NKPD1: variants seen among roughly 807,000 people sequenced by gnomAD.
The protein encoded by NKPD1 is NTPase KAP family P-loop domain-containing protein 1.
A neutral mutation model predicts 42.2 loss-of-function variants in NKPD1; 37 were observed. The observed-to-expected ratio is 0.88, with a 90% confidence interval of 0.67 to 1.15. The LOEUF (loss-of-function observed/expected upper bound fraction) is 1.15. Ranked by LOEUF, NKPD1 falls within the 50% of genes most tolerant of loss-of-function variation. The pLI is 0.00. For synonymous variants in NKPD1, 552 were observed against 536.5 expected (o/e 1.03, Z -0.40); for missense variants, 1,113 against 1,174.6 (o/e 0.95, Z 0.77).
intron 1 of NKPD1, among the ~76,000 whole-genome samples, 166 bp from the exon 2 acceptor site, chr19:45,160,387 AGAG>A (rs1391971444): frequency 6.6e-6 from 1 of 152,160 alleles, no homozygotes; most frequent in Non-Finnish European, 1.5e-5. Context: ...AGGGATGGCC[AGAG>A]GAGGGAACGG....
In NKPD1 at chr19:45,152,272, T is replaced by C; in HGVS notation, c.2165A>G (p.Glu722Gly). Reference sequence around the variant, plus strand: ...GGGGAAGTCGGCGCCCAGGAAGCGCTCGAAGAGCTCGGGGTCGCCGTCCAG... The same window carrying C: ...GGGGAAGTCGGCGCCCAGGAAGCGCCCGAAGAGCTCGGGGTCGCCGTCCAG... ...LDLDGDPELF[E>G]RFLGADFPFT... is the part of the protein sequence containing the mutation. The change falls in exon 5 of 5, where the codon GAG becomes GGG. Residue 722 changes from glutamate (E) to glycine (G), a missense_variant. Glu to Gly is a moderately conservative substitution (Grantham distance 98). Coordinates refer to ENST00000686631, the MANE Select transcript of NKPD1 (RefSeq NM_198478.4). 6.2e-7 allele frequency: 1 copy of C among 1,609,968 alleles called. No individual in the cohort carries two copies. Among genetic ancestry groups the C allele is most frequent in the East Asian group, 2.2e-5 (1 of 44,732 alleles).
At chr19:45,157,226 G>C (rs145219971) in intron 3 of NKPD1, among the ~76,000 whole-genome samples, 4 of 152,152 alleles carry the variant, frequency 2.6e-5, no homozygotes, top group Non-Finnish European at 5.9e-5. Flanking sequence ...ATCCATCCTC[G>C]GCTCCTGCCT....
In NKPD1 at chr19:45,152,916, G is replaced by C. The variant is rs1176196196; in HGVS notation, c.1521C>G (p.Asn507Lys). The C allele has an allele frequency of 1.5e-5, 23 of 1,580,400 alleles. No homozygotes were observed. In the East Asian group the frequency reaches 5.3e-4, roughly 37 times the overall value. The change falls in exon 5 of 5, where the codon AAC (asparagine) becomes AAG (lysine). Residue 507 changes from asparagine to lysine, a missense_variant. Physicochemically the swap from Asn to Lys is moderately conservative, Grantham distance 94. Coordinates refer to ENST00000686631, the MANE Select transcript of NKPD1 (RefSeq NM_198478.4). ...ILAACLESAG[N>K]MKGTADNGYL... ...AGCCGTTATCGGCCGTGCCCTTCAT[G>C]TTGCCCGCGCTCTCTAGGCACGCGG...
At chr19:45,155,677 G>A (rs1214200085) in intron 4 of NKPD1, 108 bp downstream of exon 4, 3 of 1,128,598 alleles carry the variant, frequency 2.7e-6, no homozygotes, top group African/African-American at 3.2e-5. Context: ...CCTGGGCTGG[G>A]GCAGGCTGGC....
Position 45,153,407 on chromosome 19 carries a change from GC to G in NKPD1, c.1029del (p.Leu344CysfsTer62). 6.4e-7 allele frequency: 1 copy of G among 1,554,272 alleles called. No individual in the cohort carries two copies. On this transcript the variant is annotated frameshift_variant, in exon 5 of 5. Coordinates refer to ENST00000686631, the MANE Select transcript of NKPD1 (RefSeq NM_198478.4). LOFTEE classifies it high-confidence loss of function. Reference sequence around the variant, plus strand: ...CCCAGCGCCGCCAGCAGCGCCAGCAGCCCCAGGCACACGCGGCGCCGACAAT... The same window carrying G: ...CCCAGCGCCGCCAGCAGCGCCAGCAGCCCAGGCACACGCGGCGCCGACAAT... ...EWHCRRRVCL[G>X]LLALLAALGL...
In NKPD1 at chr19:45,153,254, C is replaced by T. The variant is rs1428410600; in HGVS notation, c.1183G>A (p.Ala395Thr). 6.2e-7 allele frequency: 1 copy of T among 1,602,926 alleles called. No homozygotes were observed. Among genetic ancestry groups the T allele is most frequent in the South Asian group, 1.1e-5 (1 of 89,538 alleles). ...TTLSGSGLLM[A>T]VYSVGKHLFV... ...AGGTGCTTGCCCACCGAGTACACGG[C>T]CATGAGCAGCCCCGAGCCCGACAGT... is the stretch of plus-strand genomic sequence containing the variant. The change falls in exon 5 of 5, where the codon GCC (alanine) becomes ACC (threonine). Residue 395 changes from alanine (A) to threonine (T), a missense_variant. Coordinates refer to ENST00000686631, the MANE Select transcript of NKPD1 (RefSeq NM_198478.4).
At chr19:45,160,038 C>G (rs1417378925) in intron 2 of NKPD1, 22 bp downstream of exon 2, 1 of 1,275,512 alleles carries the variant, frequency 7.8e-7, no homozygotes, top group African/African-American at 1.5e-5. Context: ...GGCCATCACC[C>G]GCCCCCAAAC....
rs897165279 is a variant in NKPD1, at chr19:45,152,832, G to A, written c.1605C>T (p.Arg535=). 2.1e-5 allele frequency: 34 copies of A among 1,595,682 alleles called. No individual in the cohort carries two copies. Among genetic ancestry groups the A allele is most frequent in the Non-Finnish European group, 2.7e-5 (32 of 1,168,706 alleles). Residue 535 remains arginine, a synonymous_variant, in exon 5 of 5, where the codon CGC becomes CGT. Coordinates refer to ENST00000686631, the MANE Select transcript of NKPD1 (RefSeq NM_198478.4). ...LPFSVPIMGR[R]TKLQFLHDAV... is the part of the protein sequence containing the mutation. Reference sequence around the variant, plus strand: ...CATCGTGCAGGAACTGCAGCTTGGTGCGGCGGCCCATAATGGGCACAGAGA... The same window carrying A: ...CATCGTGCAGGAACTGCAGCTTGGTACGGCGGCCCATAATGGGCACAGAGA...
rs776507871 is a variant in NKPD1 at position 45,153,708 on chromosome 19, A to G, written c.729T>C (p.Arg243=). Residue 243 remains arginine (R), a synonymous_variant, in exon 5 of 5, where the codon CGT becomes CGC. Coordinates refer to ENST00000686631, the MANE Select transcript of NKPD1 (RefSeq NM_198478.4). ...EELQHVQWRP[R]AVSGWGVPQL... is the part of the protein sequence containing the mutation. ...GCGGGACGCCCCAGCCGCTCACGGC[A>G]CGCGGCCGCCACTGCACGTGCTGCA... The G allele has an allele frequency of 1.3e-6, 2 of 1,536,508 alleles. No homozygotes were observed. Among genetic ancestry groups the G allele is most frequent in the South Asian group, 1.2e-5 (1 of 83,986 alleles).
chr19:45,158,647 A>C lies in NKPD1; in HGVS notation c.529+16T>G, dbSNP rs1353907173. 2 of 1,156,202 alleles carry C rather than the reference A, an allele frequency of 1.7e-6. No individual in the cohort carries two copies. The highest frequency in any genetic ancestry group is 1.7e-5 in the African/African-American group (1 of 59,990). 71.6% of individuals were successfully genotyped at this position (1,156,202 alleles called of 1,614,324 possible). A position where few individuals can be genotyped will look rare whatever the true frequency, so the allele number is the denominator to read the frequency against. On this transcript the variant is annotated intron_variant, in intron 3 of 4. Transcript: ENST00000686631. The surrounding 1 kb of genome is among the most constrained non-coding windows in gnomAD (Gnocchi z 4.6). ...AGGAGTGGGGACAGGGCCCCCAAGA[A>C]GGCCAGGGTGAGCACCGGAGCTGTA...
chr19:45,154,799 C>T (rs189059647), intron 4 of NKPD1, among the ~76,000 whole-genome samples: 134 of 152,050 alleles, frequency 8.8e-4, no homozygotes, highest in Admixed American at 4.2e-3. Flanking sequence ...CCGAGGTGGG[C>T]GGATCACATG....
At chr19:45,154,994 C>T (rs1320093196) in intron 4 of NKPD1, among the ~76,000 whole-genome samples, 1 of 134,082 alleles carries the variant, frequency 7.5e-6, no homozygotes, top group Non-Finnish European at 1.5e-5. Flanking sequence ...CACTGCAGTA[C>T]AGCCTGGGCG....
rs1253764951 is a variant in NKPD1 at position 45,160,245 on chromosome 19, T to C, written c.-71-24A>G. The C allele has an allele frequency of 5.7e-6, 4 of 704,784 alleles. No homozygotes were observed. In the Admixed American group the frequency reaches 1.1e-4, roughly 19 times the overall value. The allele number at this position is 704,784 out of a possible 1,614,324, so 43.7% of individuals were successfully genotyped here. ...CTCTGGGGCACGAACAGCAGAGAGC[T>C]GAGGTCAGGGTCCCTGCCCTGCCCG... On this transcript the variant is annotated intron_variant, in intron 1 of 4. Coordinates refer to ENST00000686631, the MANE Select transcript of NKPD1 (RefSeq NM_198478.4).
chr19:45,160,101 T>A lies in NKPD1; in HGVS notation c.50A>T (p.Asn17Ile). The stretch of plus-strand genomic sequence containing the variant: ...CTCTGGGTCCCAGAAGTAGTGCCCG[T>A]TGGGGCTCTGGGCATCCTTGGCGAA... ...VHFAKDAQSPNGHYFWDPELG... is the reference protein window; with the variant it reads ...VHFAKDAQSPIGHYFWDPELG... The change falls in exon 2 of 5, where the codon AAC becomes ATC. Residue 17 changes from asparagine (N) to isoleucine (I), a missense_variant. Around this residue, in one of 3 missense-constraint regions of NKPD1, gnomAD observed 204 missense variants for 227.8 expected, o/e 0.90. Transcript: ENST00000686631. 1.5e-6 allele frequency: 2 copies of A among 1,304,812 alleles called. No homozygotes were observed. Among genetic ancestry groups the A allele is most frequent in the South Asian group, 1.2e-5 (1 of 80,938 alleles). The allele number at this position is 1,304,812 out of a possible 1,614,324, so 80.8% of individuals were successfully genotyped here. A position where few individuals can be genotyped will look rare whatever the true frequency, so the allele number is the denominator to read the frequency against.
chr19:45,153,771 C>A lies in NKPD1; in HGVS notation c.666G>T (p.Leu222=). The change falls in exon 5 of 5, where the codon CTG becomes CTT. Residue 222 remains leucine, a synonymous_variant. Transcript: ENST00000686631. ...LHMMLDKITA[L]MQQEAAQRES... Reference sequence around the variant, plus strand: ...CGCGCTGCGCGGCCTCCTGCTGCATCAGCGCTGCGGGAAGGGAGCCCGGGA... The same window carrying A: ...CGCGCTGCGCGGCCTCCTGCTGCATAAGCGCTGCGGGAAGGGAGCCCGGGA... The A allele has an allele frequency of 6.8e-7, 1 of 1,475,426 alleles. No individual in the cohort carries two copies. 91.4% of individuals were successfully genotyped at this position (1,475,426 alleles called of 1,614,324 possible). A position where few individuals can be genotyped will look rare whatever the true frequency, so the allele number is the denominator to read the frequency against.
At chr19:45,162,093 T>C (rs1204220817), upstream of NKPD1, among the ~76,000 whole-genome samples, 1 of 152,012 alleles carries the variant, frequency 6.6e-6, no homozygotes, top group Admixed American at 6.6e-5. Context: ...GCAGTGGGCC[T>C]CCGTGCCAAC....
upstream of NKPD1, among the ~76,000 whole-genome samples, chr19:45,162,379 C>T (rs1391246956): frequency 6.6e-6 from 1 of 152,182 alleles, no homozygotes; most frequent in African/African-American, 2.4e-5. Flanking sequence ...AGCAAGGGGC[C>T]CCTTTCTCAT....
chr19:45,156,012 C>G, intron 3 of NKPD1, 96 bp from the exon 4 acceptor site: 1 of 1,168,708 alleles, frequency 8.6e-7, no homozygotes, highest in South Asian at 1.4e-5. Context: ...CAGCCCCTTC[C>G]TGGCACCCTG....
At chr19:45,161,751 G>T (rs1245304184), upstream of NKPD1, among the ~76,000 whole-genome samples, 1 of 152,250 alleles carries the variant, frequency 6.6e-6, no homozygotes, top group Non-Finnish European at 1.5e-5. Context: ...AGGCTGGGCA[G>T]GAGATGCCCT....
Sources: gnomAD v4.1 joint callset for allele counts (sites outside exome capture counted in the v4.1 genomes callset) on GRCh38, gnomAD v4.1.1 for gene constraint, gnomAD v4.1.1 regional missense constraint, Gnocchi (gnomAD v3.1) non-coding constraint, MANE v1.5 for transcripts, NCBI Gene and HGNC (gene_info 2026-07-23, HGNC 2026-07-21) for gene names.